Variants in TUBGCP2 observed in about 807,000 individuals in gnomAD.
TUBGCP2 encodes gamma-tubulin complex component 2.
Under a neutral mutation model 92.2 loss-of-function variants are expected in TUBGCP2, and 55 were observed. The observed-to-expected ratio is 0.60, with a 90% CI of 0.48 to 0.75. The LOEUF (loss-of-function observed/expected upper bound fraction) is 0.75. Among genes scored for constraint, TUBGCP2 ranks in the 30% least tolerant of loss-of-function variants. The probability of loss-of-function intolerance (pLI) is 0.00; values close to 1 mark genes in which losing one functional copy is unlikely to be tolerated. For synonymous variants in TUBGCP2, 533 were observed against 505.2 expected (o/e 1.06, Z -0.74); for missense variants, 1,093 against 1,188.9 (o/e 0.92, Z 1.19).
chr10:133,292,901 G>T, intron 7 of TUBGCP2, 138 bp downstream of exon 7: 1 of 1,122,062 alleles, frequency 8.9e-7, no homozygotes, highest in Non-Finnish European at 1.2e-6. Context: ...ATAGCACATG[G>T]AGCAACATGA....
At chr10:133,307,353 A>G (rs1017424913) in intron 1 of TUBGCP2, among the ~76,000 whole-genome samples, 1 of 152,244 alleles carries the variant, frequency 6.6e-6, no homozygotes, top group Non-Finnish European at 1.5e-5. Flanking sequence ...AGCGGGGCAC[A>G]CACTCCTAGT....
Position 133,285,374 on chromosome 10 carries a change from A to C in TUBGCP2, c.1895+82T>G. The C allele has an allele frequency of 1.2e-6, 2 of 1,600,794 alleles. No homozygotes were observed. The highest frequency in any genetic ancestry group is 1.7e-6 in the Non-Finnish European group (2 of 1,174,560). On this transcript the variant is annotated intron_variant, in intron 12 of 17. Transcript: ENST00000252936. The surrounding 1 kb of genome is among the most constrained non-coding windows in gnomAD (Gnocchi z 6.8). Reference sequence around the variant, plus strand: ...GCCGCCTTGGGTCCTCTGTGGGACGAGGTGGCCACCGCGTGGCACAGTTCT... The same window carrying C: ...GCCGCCTTGGGTCCTCTGTGGGACGCGGTGGCCACCGCGTGGCACAGTTCT...
intron 7 of TUBGCP2, 62 bp from the exon 8 acceptor site, chr10:133,292,750 A>G: frequency 2.6e-6 from 4 of 1,543,838 alleles, no homozygotes; most frequent in Non-Finnish European, 3.5e-6. Context: ...TCTGCCAACA[A>G]CACTGCTGGG....
intron 5 of TUBGCP2, among the ~76,000 whole-genome samples, chr10:133,296,973 C>T (rs1847502964): frequency 6.6e-6 from 1 of 152,216 alleles, no homozygotes; most frequent in Admixed American, 6.5e-5. Context: ...CCCCTTGGTG[C>T]CCACATTGCA....
chr10:133,305,488 G>A (rs757709810), intron 1 of TUBGCP2, among the ~76,000 whole-genome samples: 2 of 152,022 alleles, frequency 1.3e-5, no homozygotes, highest in African/African-American at 2.4e-5. Flanking sequence ...GTGGTTCCCC[G>A]GGCCCGCTGT....
intron 1 of TUBGCP2, among the ~76,000 whole-genome samples, chr10:133,307,728 G>C (rs1847859211): frequency 6.6e-6 from 1 of 152,178 alleles, no homozygotes; most frequent in South Asian, 2.1e-4. Flanking sequence ...CTGAGCGACA[G>C]AGAGAGACAC....
chr10:133,281,940 G>A (rs561544376), intron 16 of TUBGCP2, among the ~76,000 whole-genome samples: 7 of 152,392 alleles, frequency 4.6e-5, no homozygotes, highest in South Asian at 2.1e-4. Flanking sequence ...CAGGGACAGC[G>A]GGTGTGGCCC....
At chr10:133,287,981 C>A (rs544424750) in intron 11 of TUBGCP2, 148 bp downstream of exon 11, 104 of 1,157,786 alleles carry the variant, frequency 9.0e-5, no homozygotes, top group Non-Finnish European at 1.2e-4. Flanking sequence ...CCCGGCAAGC[C>A]GGCCCCGGTA....
Position 133,278,837 on chromosome 10 carries a change from G to T in TUBGCP2, c.*929C>A, listed in dbSNP as rs1459080260. ...TCCTTTCTCCCAACCTCGCCTCCAG[G>T]GCCCTTCCTCACTGCCCAAGGGGGC... On this transcript the variant is annotated 3_prime_UTR_variant, in exon 18 of 18. Coordinates refer to ENST00000252936, the MANE Select transcript of TUBGCP2 (RefSeq NM_006659.4). 1 of 152,306 alleles carries T rather than the reference G, an allele frequency of 6.6e-6. No individual in the cohort carries two copies. The highest frequency in any genetic ancestry group is 2.4e-5 in the African/African-American group (1 of 41,444). 9.4% of individuals were successfully genotyped at this position (152,306 alleles called of 1,614,324 possible). A position where few individuals can be genotyped will look rare whatever the true frequency, so the allele number is the denominator to read the frequency against.
At position 133,289,888 on chromosome 10, in the gene TUBGCP2, G is replaced by A; in HGVS notation, c.1296C>T (p.Tyr432=). The change falls in exon 9 of 18, where the codon TAC becomes TAT. Residue 432 remains tyrosine, a synonymous_variant. Transcript: ENST00000252936. ...ACGGGATCTGCTGCTGGACGATGGT[G>A]TACCGCTGGTCCCAGTACTTGTCGT... ...DYNDKYWDQR[Y]TIVQQQIPSF... 6.2e-7 allele frequency: 1 copy of A among 1,603,802 alleles called. No individual in the cohort carries two copies. Among genetic ancestry groups the A allele is most frequent in the Non-Finnish European group, 8.5e-7 (1 of 1,175,664 alleles).
intron 17 of TUBGCP2, among the ~76,000 whole-genome samples, 190 bp from the exon 18 acceptor site, chr10:133,280,091 T>C (rs569148128): frequency 2.6e-5 from 4 of 152,320 alleles, no homozygotes; most frequent in African/African-American, 7.2e-5. Context: ...TGAGCAGCCC[T>C]GCTCCTACCA....
chr10:133,283,978 C>G lies in TUBGCP2; in HGVS notation c.2049G>C (p.Arg683=), dbSNP rs1847063234. ...AQWFAGAFTL[R]QRMLNFVQNI... ...TCTGGACGAAGTTGAGCATTCGCTGCCGCAGAGTGAAAGCCCCAGCAAACC... is the reference window on the plus strand; with the variant it reads ...TCTGGACGAAGTTGAGCATTCGCTGGCGCAGAGTGAAAGCCCCAGCAAACC... Residue 683 remains arginine (R), a synonymous_variant, in exon 14 of 18, where the codon CGG becomes CGC. Coordinates refer to ENST00000252936, the MANE Select transcript of TUBGCP2 (RefSeq NM_006659.4). 1 of 1,613,980 alleles carries G rather than the reference C, an allele frequency of 6.2e-7. No homozygotes were observed. The highest frequency in any genetic ancestry group is 1.3e-5 in the African/African-American group (1 of 75,060).
intron 14 of TUBGCP2, 55 bp downstream of exon 14, chr10:133,283,827 C>T (rs1847058197): frequency 6.2e-7 from 1 of 1,601,598 alleles, no homozygotes; most frequent in South Asian, 1.1e-5. Flanking sequence ...CTTCCTGTCT[C>T]CCTGTGAAAG....
chr10:133,309,582 G>A (rs939068245), upstream of TUBGCP2: 3 of 1,317,542 alleles, frequency 2.3e-6, no homozygotes, highest in Admixed American at 2.0e-5. Context: ...GAGGCGCTGT[G>A]CCTGTCCAGC....
chr10:133,307,919 T>A (rs901731600), intron 1 of TUBGCP2, among the ~76,000 whole-genome samples: 4 of 152,116 alleles, frequency 2.6e-5, no homozygotes, highest in Admixed American at 6.5e-5. Context: ...ACTAGACAAC[T>A]GTAACACAGA....
At chr10:133,302,419 T>TCACCCTG in intron 2 of TUBGCP2, 3 of 279,958 alleles carry the variant, frequency 1.1e-5, no homozygotes, top group South Asian at 3.6e-5. Flanking sequence ...GAGGTGGCGC[T>TCACCCTG]CACCCTGCAC....
intron 7 of TUBGCP2, 101 bp from the exon 8 acceptor site, chr10:133,292,789 T>C (rs567117313): frequency 1.4e-6 from 2 of 1,393,646 alleles, no homozygotes; most frequent in East Asian, 2.5e-5. Flanking sequence ...ACCTTCTTCC[T>C]GGGACGGTGC....
At chr10:133,299,040 A>G (rs1264374750) in intron 4 of TUBGCP2, among the ~76,000 whole-genome samples, 1 of 152,238 alleles carries the variant, frequency 6.6e-6, no homozygotes, top group African/African-American at 2.4e-5. Context: ...AAATTACTGT[A>G]TTTTCGAGAA....
rs1053043184 is a variant in TUBGCP2 at position 133,285,736 on chromosome 10, C to T, written c.1723-108G>A. On this transcript the variant is annotated intron_variant, in intron 11 of 17. Transcript: ENST00000252936. This position sits in a 1 kb window ranked among gnomAD's most constrained non-coding sequence, Gnocchi z 6.8. Reference sequence around the variant, plus strand: ...AGACCCAGCGCTGACGTAAGGTTCCCTACATTCCGATTCTAAATATCAGAG... The same window carrying T: ...AGACCCAGCGCTGACGTAAGGTTCCTTACATTCCGATTCTAAATATCAGAG... The T allele has an allele frequency of 3.9e-5, 43 of 1,091,282 alleles. No individual in the cohort carries two copies. The highest frequency in any genetic ancestry group is 5.1e-5 in the Non-Finnish European group (42 of 818,756). The allele number at this position is 1,091,282 out of a possible 1,614,324, so 67.6% of individuals were successfully genotyped here.
Sources: allele counts gnomAD v4.1 joint callset (sites outside exome capture counted in the v4.1 genomes callset), GRCh38; gene constraint gnomAD v4.1.1; non-coding constraint Gnocchi (gnomAD v3.1); transcripts MANE v1.5; gene names NCBI Gene and HGNC (gene_info 2026-07-23, HGNC 2026-07-21).